The following PHYHIPL variants were observed in gnomAD, a reference collection of about 807,000 sequenced individuals.
PHYHIPL encodes the protein phytanoyl-CoA 2-hydroxylase interacting protein like, also known as phytanoyl-CoA hydroxylase-interacting protein-like.
In PHYHIPL, 9 loss-of-function variants were observed where a neutral mutation model predicts 33.4. That is an observed-to-expected ratio of 0.27 (90% CI 0.16 to 0.47). The LOEUF (loss-of-function observed/expected upper bound fraction) is 0.47, where lower values mean the gene tolerates loss of function less well. PHYHIPL is among the 20% of genes least tolerant of loss of function. The pLI is 0.99. For missense variants in PHYHIPL, 365 were observed against 460.7 expected, an observed-to-expected ratio of 0.79 and a Z score of 1.90; for synonymous variants, 153 against 154.1, an observed-to-expected ratio of 0.99 and a Z score of 0.05.
chr10:59,238,424 A>T lies in PHYHIPL; in HGVS notation c.479-164A>T, dbSNP rs574302415. 3.9e-5 allele frequency among the ~76,000 whole-genome samples: 6 copies of T among 152,124 alleles called. 1 individual carries two copies. The South Asian group carries it at 1.2e-3, about 31-fold the overall frequency. ...ACAAAAATATTTTTGTAGGAAGAAA[A>T]ATGTGCCACACAGACAATGAATATT... On this transcript the variant is annotated intron_variant, in intron 3 of 4. Coordinates refer to ENST00000373880, the MANE Select transcript of PHYHIPL (RefSeq NM_032439.4).
At chr10:59,219,329 A>G in intron 1 of PHYHIPL, 1 of 639,278 alleles carries the variant, frequency 1.6e-6, no homozygotes, top group Non-Finnish European at 1.9e-6. Context: ...ATATTCTGTG[A>G]TATGGTATAT....
intron 1 of PHYHIPL, among the ~76,000 whole-genome samples, chr10:59,186,417 T>A (rs1838604129): frequency 6.6e-6 from 1 of 152,210 alleles, no homozygotes; most frequent in South Asian, 2.1e-4. Context: ...CCAGCTTTGT[T>A]CTTTTTGCTT....
At chr10:59,211,080 C>T (rs1041288971) in intron 1 of PHYHIPL, among the ~76,000 whole-genome samples, 2 of 151,940 alleles carry the variant, frequency 1.3e-5, no homozygotes, top group Non-Finnish European at 2.9e-5. Flanking sequence ...GTAAATATCA[C>T]AAATAAGGCC....
chr10:59,228,706 A>G (rs1171673560), intron 1 of PHYHIPL, among the ~76,000 whole-genome samples: 1 of 152,172 alleles, frequency 6.6e-6, no homozygotes, highest in Non-Finnish European at 1.5e-5. Flanking sequence ...AACATGAGAA[A>G]GTTGCTCTTG....
At chr10:59,243,892 A>G (rs1388143740) in intron 4 of PHYHIPL, among the ~76,000 whole-genome samples, 2 of 152,184 alleles carry the variant, frequency 1.3e-5, no homozygotes, top group African/African-American at 4.8e-5. Context: ...AAGAACTAGC[A>G]CTAGCAAGAC....
rs1349160522 is a variant in PHYHIPL at position 59,246,378 on chromosome 10, G to T, written c.*787G>T. 13 of 291,940 alleles carry T rather than the reference G, an allele frequency of 4.5e-5. No homozygotes were observed. Among genetic ancestry groups the T allele is most frequent in the Non-Finnish European group, 7.5e-5 (12 of 159,444 alleles). 18.1% of individuals were successfully genotyped at this position (291,940 alleles called of 1,614,324 possible). ...AGTTATAAAATATTAGGTAAATACAGAGAAAACAATAAGCCTCTGAAATAA... is the reference window on the plus strand; with the variant it reads ...AGTTATAAAATATTAGGTAAATACATAGAAAACAATAAGCCTCTGAAATAA... On this transcript the variant is annotated 3_prime_UTR_variant, in exon 5 of 5. Coordinates refer to ENST00000373880, the MANE Select transcript of PHYHIPL (RefSeq NM_032439.4).
chr10:59,217,621 G>A (rs1386041536), intron 1 of PHYHIPL, among the ~76,000 whole-genome samples: 1 of 151,234 alleles, frequency 6.6e-6, no homozygotes, highest in African/African-American at 2.4e-5. Context: ...AATTTATTGT[G>A]TTTCACAATG....
chr10:59,217,925 G>A (rs1839662025), intron 1 of PHYHIPL, among the ~76,000 whole-genome samples: 1 of 151,948 alleles, frequency 6.6e-6, no homozygotes, highest in Non-Finnish European at 1.5e-5. Context: ...ATACACCTTG[G>A]ACTAAGATCA....
intron 1 of PHYHIPL, among the ~76,000 whole-genome samples, chr10:59,207,514 C>T (rs929408029): frequency 1.3e-5 from 2 of 152,210 alleles, no homozygotes; most frequent in Non-Finnish European, 2.9e-5. Context: ...TCAAACTGGG[C>T]AGAGCCCACC....
At chr10:59,211,425 G>A (rs1244194821) in intron 1 of PHYHIPL, among the ~76,000 whole-genome samples, 1 of 151,970 alleles carries the variant, frequency 6.6e-6, no homozygotes, top group East Asian at 1.9e-4. Flanking sequence ...TGCCCAGGCT[G>A]GAGTACAATG....
chr10:59,237,664 G>A (rs1167254567), intron 3 of PHYHIPL, among the ~76,000 whole-genome samples: 1 of 151,766 alleles, frequency 6.6e-6, no homozygotes, highest in Non-Finnish European at 1.5e-5. Context: ...CTGTGAGCTA[G>A]GCACTGTACA....
chr10:59,209,166 G>C (rs991337143), intron 1 of PHYHIPL, among the ~76,000 whole-genome samples: 1 of 152,008 alleles, frequency 6.6e-6, no homozygotes, highest in Admixed American at 6.6e-5. Flanking sequence ...AAATGTTAAG[G>C]GCAGCCAGAG....
At chr10:59,199,196 C>T (rs1210221682) in intron 1 of PHYHIPL, among the ~76,000 whole-genome samples, 1 of 152,168 alleles carries the variant, frequency 6.6e-6, no homozygotes, top group African/African-American at 2.4e-5. Flanking sequence ...TTAGGTCTAA[C>T]ATTTAAGTCT....
chr10:59,185,339 C>A (rs1838561063), intron 1 of PHYHIPL, among the ~76,000 whole-genome samples: 1 of 152,144 alleles, frequency 6.6e-6, no homozygotes, highest in South Asian at 2.1e-4. Flanking sequence ...GTATATGTGC[C>A]ACATTTTCTT....
chr10:59,206,407 G>C (rs1030228468), intron 1 of PHYHIPL, among the ~76,000 whole-genome samples: 27 of 152,212 alleles, frequency 1.8e-4, no homozygotes, highest in African/African-American at 6.5e-4. Flanking sequence ...ATTATTTGGA[G>C]TTCTCGTGAT....
At chr10:59,225,982 T>C (rs910951142) in intron 1 of PHYHIPL, among the ~76,000 whole-genome samples, 4 of 151,978 alleles carry the variant, frequency 2.6e-5, no homozygotes, top group African/African-American at 9.7e-5. Context: ...AATTTACCAA[T>C]AAGAGTCAGA....
At chr10:59,187,647 G>C (rs959794782) in intron 1 of PHYHIPL, among the ~76,000 whole-genome samples, 6 of 152,136 alleles carry the variant, frequency 3.9e-5, no homozygotes, top group Non-Finnish European at 5.9e-5. Context: ...TTCAGAGCCT[G>C]TTATTGGTCT....
chr10:59,239,894 T>C (rs2133296766), intron 4 of PHYHIPL, among the ~76,000 whole-genome samples: 1 of 152,118 alleles, frequency 6.6e-6, no homozygotes, highest in Non-Finnish European at 1.5e-5. Context: ...GACAGGACTA[T>C]GTATGAAAAA....
upstream of PHYHIPL, among the ~76,000 whole-genome samples, chr10:59,174,901 C>T (rs1234490709): frequency 6.6e-6 from 1 of 152,204 alleles, no homozygotes; most frequent in Non-Finnish European, 1.5e-5. Context: ...CAACACATAG[C>T]ACAGTGTCCT....
Sources: allele counts gnomAD v4.1 joint callset (sites outside exome capture counted in the v4.1 genomes callset), GRCh38; gene constraint gnomAD v4.1.1; transcripts MANE v1.5; gene names NCBI Gene and HGNC (gene_info 2026-07-23, HGNC 2026-07-21).